Variants in MS4A13 observed in about 807,000 individuals in gnomAD.
The protein encoded by MS4A13 is membrane spanning 4-domains A13.
In MS4A13, 21 loss-of-function variants were observed where a neutral mutation model predicts 18.4. That is an observed-to-expected ratio of 1.14 (90% CI 0.81 to 1.64). The LOEUF is 1.64. MS4A13 is among the 40% of genes most tolerant of loss of function. The pLI is 0.00. For missense variants in MS4A13, 173 were observed against 176.8 expected (o/e 0.98, Z 0.12); for synonymous variants, 62 against 57.2 (o/e 1.08, Z -0.38).
At chr11:60,524,027 T>C (rs867015593) in intron 4 of MS4A13, 74 bp downstream of exon 4, 29 of 923,250 alleles carry the variant, frequency 3.1e-5, no homozygotes, top group Middle Eastern at 4.4e-4. Flanking sequence ...AATGAAAATA[T>C]AACGTCTAAA....
intron 5 of MS4A13, among the ~76,000 whole-genome samples, chr11:60,526,745 T>C (rs556777701): frequency 7.9e-5 from 12 of 152,324 alleles, no homozygotes; most frequent in Non-Finnish European, 1.6e-4. Flanking sequence ...ATCTACAAAG[T>C]CATCAAGTTT....
At chr11:60,519,310 C>G (rs972642354) in intron 3 of MS4A13, among the ~76,000 whole-genome samples, 2 of 152,024 alleles carry the variant, frequency 1.3e-5, no homozygotes, top group Non-Finnish European at 2.9e-5. Context: ...AAAGAATTAT[C>G]CAGTCTAATT....
intron 3 of MS4A13, among the ~76,000 whole-genome samples, chr11:60,523,085 G>A (rs772616679): frequency 1.4e-4 from 21 of 152,114 alleles, no homozygotes; most frequent in Non-Finnish European, 2.1e-4. Context: ...TAGTTCTTAC[G>A]TTCACTGTGT....
At chr11:60,542,479 GAAACA>G in intron 6 of MS4A13, 35 bp from the exon 7 acceptor site, 1 of 1,406,356 alleles carries the variant, frequency 7.1e-7, no homozygotes, top group Non-Finnish European at 1.0e-6. Context: ...ATAATATTAA[GAAACA>G]TGATATGATT....
chr11:60,542,920 A>G (rs1013716972), downstream of MS4A13, among the ~76,000 whole-genome samples: 1 of 152,170 alleles, frequency 6.6e-6, no homozygotes, highest in Non-Finnish European at 1.5e-5. Flanking sequence ...ATGATGTCGT[A>G]TAATTCACAG....
chr11:60,521,111 C>T (rs2086671038), intron 3 of MS4A13, among the ~76,000 whole-genome samples: 1 of 152,232 alleles, frequency 6.6e-6, no homozygotes, highest in Non-Finnish European at 1.5e-5. Flanking sequence ...GGATTCAGGG[C>T]ACCAAGTCCC....
chr11:60,538,259 G>T (rs1040340384), intron 6 of MS4A13, among the ~76,000 whole-genome samples: 3 of 151,818 alleles, frequency 2.0e-5, no homozygotes, highest in Non-Finnish European at 4.4e-5. Flanking sequence ...GAGGCTGGGG[G>T]CCGATGGGGC....
At chr11:60,525,836 C>G (rs958225824) in intron 5 of MS4A13, among the ~76,000 whole-genome samples, 1 of 151,648 alleles carries the variant, frequency 6.6e-6, no homozygotes, top group African/African-American at 2.4e-5. Flanking sequence ...ATTTAGTTGC[C>G]CAGTAAATGT....
In MS4A13 at chr11:60,523,395, G is replaced by A. The variant is rs564969243; in HGVS notation, c.130-502G>A. On this transcript the variant is annotated intron_variant, in intron 3 of 6. Coordinates refer to ENST00000378186, the MANE Select transcript of MS4A13 (RefSeq NM_001012417.3). ...TCTGTTTTAAAAAACAAAGGCAAAG[G>A]CATGAATTTCTGCCATTACCTTAAT... Among the ~76,000 whole-genome samples the A allele has an allele frequency of 4.6e-5, 7 of 152,206 alleles. No homozygotes were observed. The East Asian group carries it at 5.8e-4, about 13-fold the overall frequency.
chr11:60,523,010 GA>G (rs1483238946), intron 3 of MS4A13, among the ~76,000 whole-genome samples: 1 of 152,178 alleles, frequency 6.6e-6, no homozygotes, highest in Non-Finnish European at 1.5e-5. Flanking sequence ...GTAATCGAAA[GA>G]TAATCTCATT....
intron 6 of MS4A13, among the ~76,000 whole-genome samples, chr11:60,541,271 A>G (rs897586150): frequency 6.6e-6 from 1 of 152,250 alleles, no homozygotes; most frequent in African/African-American, 2.4e-5. Context: ...AGTCTTTGGT[A>G]TATAACCAAC....
chr11:60,525,405 T>C (rs2086706986), intron 5 of MS4A13, 79 bp downstream of exon 5: 2 of 990,620 alleles, frequency 2.0e-6, no homozygotes, highest in Admixed American at 6.8e-5. Flanking sequence ...GGAGGTAAGA[T>C]GAGGCTTTTA....
intron 4 of MS4A13, 63 bp from the exon 5 acceptor site, chr11:60,525,144 C>T: frequency 7.6e-7 from 1 of 1,307,854 alleles, no homozygotes; most frequent in Non-Finnish European, 1.1e-6. Context: ...TTCAGCAATG[C>T]AAACTATTAC....
intron 3 of MS4A13, among the ~76,000 whole-genome samples, chr11:60,518,867 C>T (rs1054376010): frequency 1.3e-5 from 2 of 152,170 alleles, no homozygotes; most frequent in African/African-American, 4.8e-5. Flanking sequence ...AGAGGAATTA[C>T]AGACAGCAAA....
At position 60,515,418 on chromosome 11, in the gene MS4A13, G is replaced by A. The variant is rs563976206; in HGVS notation, c.-318G>A. 8 of 152,404 alleles carry A rather than the reference G, an allele frequency of 5.2e-5. No homozygotes were observed. The highest frequency in any genetic ancestry group is 1.9e-4 in the African/African-American group (8 of 41,584). The allele number at this position is 152,404 out of a possible 1,614,324, so 9.4% of individuals were successfully genotyped here. A position where few individuals can be genotyped will look rare whatever the true frequency, so the allele number is the denominator to read the frequency against. On this transcript the variant is annotated 5_prime_UTR_variant, in exon 1 of 7. Transcript: ENST00000378186. ...TCACTCCCTGAGGAGCCTGAGAGCC[G>A]GCCGGGTGCTGGGCTCCTGGCTATC...
At chr11:60,527,750 C>A (rs2086730213) in intron 5 of MS4A13, among the ~76,000 whole-genome samples, 1 of 151,974 alleles carries the variant, frequency 6.6e-6, no homozygotes, top group South Asian at 2.1e-4. Flanking sequence ...GCACGAGAAT[C>A]GCTTGAACCC....
At chr11:60,532,314 C>A (rs965515285) in intron 6 of MS4A13, among the ~76,000 whole-genome samples, 2 of 152,154 alleles carry the variant, frequency 1.3e-5, no homozygotes, top group Non-Finnish European at 2.9e-5. Context: ...AGTGTGTGCA[C>A]GCACCGTGCG....
At chr11:60,541,673 G>A (rs1369979232) in intron 6 of MS4A13, among the ~76,000 whole-genome samples, 1 of 152,146 alleles carries the variant, frequency 6.6e-6, no homozygotes, top group African/African-American at 2.4e-5. Context: ...AATAGGTAAT[G>A]GTTGAGAAAT....
At chr11:60,539,829 C>A (rs548871933) in intron 6 of MS4A13, among the ~76,000 whole-genome samples, 3 of 152,124 alleles carry the variant, frequency 2.0e-5, no homozygotes, top group Admixed American at 6.6e-5. Flanking sequence ...GGGGGAAAAA[C>A]AGTCAGGCAG....
Sources: gnomAD v4.1 joint callset for allele counts (sites outside exome capture counted in the v4.1 genomes callset) on GRCh38, gnomAD v4.1.1 for gene constraint, MANE v1.5 for transcripts, NCBI Gene and HGNC (gene_info 2026-07-23, HGNC 2026-07-21) for gene names.